Variants in ASTN2 observed in about 807,000 individuals in gnomAD.
ASTN2 encodes astrotactin-2.
In ASTN2, 54 loss-of-function variants were observed where a neutral mutation model predicts 139.8. That is an observed-to-expected ratio of 0.39 (90% CI 0.31 to 0.48). The LOEUF is 0.48. Ranked by LOEUF, ASTN2 falls within the 20% of genes least tolerant of loss-of-function variation. The probability of loss-of-function intolerance (pLI) is 0.95; values close to 1 mark genes in which losing one functional copy is unlikely to be tolerated. For synonymous variants in ASTN2, 756 were observed against 719.5 expected (o/e 1.05, Z -0.81); for missense variants, 1,565 against 1,725.1 (o/e 0.91, Z 1.64).
Position 116,751,593 on chromosome 9 carries a change from T to A in ASTN2, c.2397-18070A>T, listed in dbSNP as rs578249982. On this transcript the variant is annotated intron_variant, in intron 13 of 22. Transcript: ENST00000313400. ...GAAATGTGATTTAGGGTTTAAAAAA[T>A]AATATGCAGCAGAAAATCCCAGAGA... is the stretch of plus-strand genomic sequence containing the variant. Among the ~76,000 whole-genome samples, 7 of 151,968 alleles carry A rather than the reference T, an allele frequency of 4.6e-5. No homozygotes were observed. In the East Asian group the frequency reaches 1.4e-3, roughly 29 times the overall value.
At chr9:117,052,241 C>T (rs1056505852) in intron 5 of ASTN2, among the ~76,000 whole-genome samples, 3 of 151,902 alleles carry the variant, frequency 2.0e-5, no homozygotes, top group African/African-American at 7.3e-5. Context: ...GAGATTGAGA[C>T]CGTCCTGGCT....
chr9:116,622,919 C>T (rs544166943), intron 17 of ASTN2, among the ~76,000 whole-genome samples: 36 of 152,336 alleles, frequency 2.4e-4, no homozygotes, highest in African/African-American at 7.5e-4. Context: ...AAACCAGATG[C>T]GACTGCATGA....
intron 1 of ASTN2, among the ~76,000 whole-genome samples, chr9:117,302,677 T>C (rs1240292888): frequency 6.6e-6 from 1 of 151,952 alleles, no homozygotes; most frequent in Non-Finnish European, 1.5e-5. Flanking sequence ...ACATGTAAAA[T>C]GCAATGAGTC....
At chr9:117,042,331 T>C (rs1005935518) in intron 5 of ASTN2, among the ~76,000 whole-genome samples, 10 of 152,226 alleles carry the variant, frequency 6.6e-5, no homozygotes, top group African/African-American at 2.2e-4. Flanking sequence ...TCATCATCTT[T>C]GTGTTTCTTA....
rs777111024 is a variant in ASTN2, at chr9:116,725,729, A to T, written c.2806+42T>A. The stretch of plus-strand genomic sequence containing the variant: ...GTCTCCCCAGACCCCTTGCCTCTAT[A>T]GCCTGCCTGGCCACCTCCTACAGTA... On this transcript the variant is annotated intron_variant, in intron 16 of 22. Transcript: ENST00000313400. 18 of 1,592,118 alleles carry T rather than the reference A, an allele frequency of 1.1e-5. No homozygotes were observed. The African/African-American group carries it at 2.1e-4, about 19-fold the overall frequency.
intron 16 of ASTN2, among the ~76,000 whole-genome samples, chr9:116,677,294 C>CACCATAG (rs1304839632): frequency 6.6e-6 from 1 of 152,012 alleles, no homozygotes; most frequent in African/African-American, 2.4e-5. Flanking sequence ...ACAGAGGAGG[C>CACCATAG]ACCATAGACC....
At chr9:116,807,680 TGAGAAAATATG>T (rs942444674) in intron 12 of ASTN2, among the ~76,000 whole-genome samples, 31 of 152,206 alleles carry the variant, frequency 2.0e-4, no homozygotes, top group Admixed American at 3.9e-4. Context: ...ATCCATTTAT[TGAGAAAATATG>T]GAGAAATGGT....
intron 20 of ASTN2, among the ~76,000 whole-genome samples, chr9:116,449,392 C>G (rs544331578): frequency 4.6e-5 from 7 of 151,994 alleles, no homozygotes; most frequent in Non-Finnish European, 7.4e-5. Flanking sequence ...GCCAAGAGAG[C>G]GAGACCCTGC....
At chr9:116,737,033 G>A (rs955137311) in intron 13 of ASTN2, among the ~76,000 whole-genome samples, 1 of 152,164 alleles carries the variant, frequency 6.6e-6, no homozygotes, top group Non-Finnish European at 1.5e-5. Context: ...AAGTAGAGGG[G>A]GGACTTGGAG....
intron 2 of ASTN2, among the ~76,000 whole-genome samples, chr9:117,285,373 A>G (rs1834423761): frequency 6.6e-6 from 1 of 151,608 alleles, no homozygotes; most frequent in Non-Finnish European, 1.5e-5. Context: ...CCATGATTGA[A>G]TGATTAAATC....
At chr9:116,823,184 G>T (rs1409637) in intron 11 of ASTN2, among the ~76,000 whole-genome samples, 120,741 of 152,152 alleles carry the variant, frequency 0.79, 48,112 homozygotes, top group East Asian at 0.91. Flanking sequence ...GCCACTGAGT[G>T]TGCAGCAATT....
chr9:117,187,947 C>T (rs116640985), intron 3 of ASTN2, among the ~76,000 whole-genome samples: 14 of 152,180 alleles, frequency 9.2e-5, no homozygotes, highest in African/African-American at 3.4e-4. Context: ...CTCCATTTTA[C>T]CAATGTGACA....
At chr9:116,777,895 T>A (rs1471205764) in intron 13 of ASTN2, among the ~76,000 whole-genome samples, 2 of 151,644 alleles carry the variant, frequency 1.3e-5, no homozygotes. Flanking sequence ...CAGGCTGGAG[T>A]ACAGTGGTGC....
chr9:116,575,294 TA>T (rs60609223), intron 19 of ASTN2, among the ~76,000 whole-genome samples: 8 of 147,580 alleles, frequency 5.4e-5, no homozygotes, highest in Non-Finnish European at 7.5e-5. Context: ...AATGTATAAT[TA>T]AAAAAAAAAG....
intron 1 of ASTN2, among the ~76,000 whole-genome samples, chr9:117,383,433 T>G (rs1233272878): frequency 1.3e-5 from 2 of 152,238 alleles, no homozygotes; most frequent in African/African-American, 4.8e-5. Context: ...AATATATACA[T>G]TTGTCAAAAC....
chr9:116,921,072 C>T (rs1166652550), intron 10 of ASTN2, among the ~76,000 whole-genome samples: 1 of 152,076 alleles, frequency 6.6e-6, no homozygotes, highest in Non-Finnish European at 1.5e-5. Context: ...CAGGGAGTTT[C>T]TACTCATGGT....
At chr9:116,650,612 G>A (rs1048749387) in intron 17 of ASTN2, among the ~76,000 whole-genome samples, 1 of 152,168 alleles carries the variant, frequency 6.6e-6, no homozygotes, top group African/African-American at 2.4e-5. Flanking sequence ...CAGATCTGGA[G>A]GGCAGAGTAA....
intron 6 of ASTN2, among the ~76,000 whole-genome samples, chr9:117,017,678 G>A (rs1357989705): frequency 6.6e-6 from 1 of 152,020 alleles, no homozygotes; most frequent in Non-Finnish European, 1.5e-5. Context: ...CCTGGCTAAG[G>A]CCTTCATGTT....
chr9:116,930,599 G>A (rs1176805773), intron 10 of ASTN2, among the ~76,000 whole-genome samples: 1 of 152,036 alleles, frequency 6.6e-6, no homozygotes, highest in Non-Finnish European at 1.5e-5. Context: ...CAAGACTCGG[G>A]GTGACAAAGA....
Sources: gnomAD v4.1 joint callset for allele counts (sites outside exome capture counted in the v4.1 genomes callset) on GRCh38, gnomAD v4.1.1 for gene constraint, MANE v1.5 for transcripts, NCBI Gene and HGNC (gene_info 2026-07-23, HGNC 2026-07-21) for gene names.